WDR1: variants seen among roughly 807,000 people sequenced by gnomAD.
WDR1 encodes WD repeat domain 1.
In WDR1, 21 loss-of-function variants were observed where a neutral mutation model predicts 71.9. That is an observed-to-expected ratio of 0.29 (90% confidence interval 0.21 to 0.42). The LOEUF is 0.42. Among genes scored for constraint, WDR1 ranks in the 10% least tolerant of loss-of-function variants. The pLI, the probability that WDR1 is intolerant of heterozygous loss-of-function variation, is 1.00. For missense variants in WDR1, 696 were observed against 824.5 expected (o/e 0.84, Z 1.91); for synonymous variants, 424 against 347.4 (o/e 1.22, Z -2.45).
At chr4:10,090,957 G>A (rs1711938264) in intron 5 of WDR1, among the ~76,000 whole-genome samples, 2 of 152,272 alleles carry the variant, frequency 1.3e-5, no homozygotes, top group African/African-American at 4.8e-5. Context: ...AGAGGACAGG[G>A]ATGGAAGCAC....
At chr4:10,075,546 G>T in intron 14 of WDR1, 62 bp from the exon 15 acceptor site, 1 of 1,476,826 alleles carries the variant, frequency 6.8e-7, no homozygotes, top group South Asian at 1.2e-5. Context: ...GTACATCTTG[G>T]ACTAGGAAGA....
intron 2 of WDR1, 93 bp downstream of exon 2, chr4:10,116,020 A>G: frequency 6.7e-7 from 1 of 1,499,496 alleles, no homozygotes; most frequent in Non-Finnish European, 9.0e-7. Context: ...CCCCGGGCCA[A>G]TGGGCAGGAG....
chr4:10,095,741 A>C (rs566743164), intron 5 of WDR1, among the ~76,000 whole-genome samples: 9 of 151,928 alleles, frequency 5.9e-5, no homozygotes, highest in South Asian at 2.1e-4. Flanking sequence ...TGCCTCTCAC[A>C]CCCTCCCTGT....
chr4:10,114,725 G>C (rs1478247846), intron 2 of WDR1, among the ~76,000 whole-genome samples: 1 of 152,206 alleles, frequency 6.6e-6, no homozygotes, highest in Non-Finnish European at 1.5e-5. Flanking sequence ...TAGATCCCTG[G>C]TGATTTTCTC....
intron 14 of WDR1, chr4:10,075,886 G>A: frequency 4.9e-6 from 1 of 202,504 alleles, no homozygotes; most frequent in South Asian, 9.5e-5. Flanking sequence ...AATGGGGCAG[G>A]CATGACAACC....
At chr4:10,102,618 G>T (rs1712743775) in intron 3 of WDR1, among the ~76,000 whole-genome samples, 1 of 152,176 alleles carries the variant, frequency 6.6e-6, no homozygotes, top group African/African-American at 2.4e-5. Context: ...CAATACATTT[G>T]TGTTAGTCGT....
chr4:10,085,753 T>C (rs1333640089), intron 8 of WDR1, among the ~76,000 whole-genome samples: 1 of 152,224 alleles, frequency 6.6e-6, no homozygotes, highest in Non-Finnish European at 1.5e-5. Context: ...CAGCCAGCGC[T>C]TTTTAGAGCT....
intron 7 of WDR1, 69 bp from the exon 8 acceptor site, chr4:10,088,009 C>T (rs1030240860): frequency 3.7e-5 from 52 of 1,410,570 alleles, no homozygotes; most frequent in Middle Eastern, 1.9e-4. Flanking sequence ...CAAAAAGCAG[C>T]TTGTCCACTG....
chr4:10,098,003 G>C (rs914438064), intron 4 of WDR1, 112 bp from the exon 5 acceptor site: 12 of 1,140,724 alleles, frequency 1.1e-5, no homozygotes, highest in Non-Finnish European at 1.4e-5. Context: ...TGGAGTGACT[G>C]TCAGCAGGCA....
chr4:10,088,554 T>A, intron 6 of WDR1, 110 bp downstream of exon 6: 1 of 1,151,318 alleles, frequency 8.7e-7, no homozygotes, highest in East Asian at 2.6e-5. Context: ...GGGAGGGCGA[T>A]GTCTAAGTTC....
intron 14 of WDR1, 102 bp from the exon 15 acceptor site, chr4:10,075,586 G>A (rs1764769637): frequency 9.0e-6 from 10 of 1,111,244 alleles, no homozygotes; most frequent in South Asian, 7.0e-5. Flanking sequence ...ATCATCTCCA[G>A]GGCCAAGAAA....
At chr4:10,108,758 C>A (rs1315042647) in intron 2 of WDR1, among the ~76,000 whole-genome samples, 2 of 152,230 alleles carry the variant, frequency 1.3e-5, no homozygotes, top group Non-Finnish European at 2.9e-5. Flanking sequence ...AACGCCTTCT[C>A]CTAATTATCT....
intron 2 of WDR1, among the ~76,000 whole-genome samples, chr4:10,114,393 C>G (rs1713578883): frequency 1.3e-5 from 2 of 152,198 alleles, no homozygotes; most frequent in South Asian, 4.1e-4. Flanking sequence ...ACTGGCCTGC[C>G]TCACCTTGCT....
At chr4:10,092,833 C>T (rs1208790768) in intron 5 of WDR1, 1 of 366,612 alleles carries the variant, frequency 2.7e-6, no homozygotes, top group Non-Finnish European at 5.5e-6. Context: ...AGGCTGCCCT[C>T]ACCGGCCCCC....
intron 2 of WDR1, among the ~76,000 whole-genome samples, chr4:10,106,150 T>C (rs973173288): frequency 6.6e-6 from 1 of 152,066 alleles, no homozygotes; most frequent in Non-Finnish European, 1.5e-5. Context: ...GTGACAGGAA[T>C]GTTCTGTCAT....
chr4:10,106,257 C>T (rs1404569892), intron 2 of WDR1, among the ~76,000 whole-genome samples: 2 of 152,208 alleles, frequency 1.3e-5, no homozygotes, highest in African/African-American at 4.8e-5. Flanking sequence ...AAGTACACCT[C>T]AATAAAACTA....
intron 5 of WDR1, chr4:10,096,505 GC>G (rs1360338322): frequency 1.3e-5 from 2 of 152,244 alleles, no homozygotes; most frequent in African/African-American, 4.8e-5. Context: ...GCTTTCACCT[GC>G]CCAGCCAGGC....
At chr4:10,077,555 A>G in intron 13 of WDR1, 107 bp from the exon 14 acceptor site, 1 of 1,551,524 alleles carries the variant, frequency 6.4e-7, no homozygotes, top group Non-Finnish European at 8.8e-7. Context: ...GAGGTTTCTC[A>G]CGCGCTAACT....
At position 10,074,641 on chromosome 4, in the gene WDR1, G is replaced by A. The variant is rs1404209302; in HGVS notation, c.*737C>T. The A allele has an allele frequency of 1.3e-5, 2 of 152,588 alleles. No individual in the cohort carries two copies. Among genetic ancestry groups the A allele is most frequent in the African/African-American group, 2.4e-5 (1 of 41,440 alleles). The allele number at this position is 152,588 out of a possible 1,614,324, so 9.5% of individuals were successfully genotyped here. A position where few individuals can be genotyped will look rare whatever the true frequency, so the allele number is the denominator to read the frequency against. ...GAACATCAAAGCATGATGGTGAAAC[G>A]GTGACCAGGACACCTCGGTCTGGCT... On this transcript the variant is annotated 3_prime_UTR_variant, in exon 15 of 15. Transcript: ENST00000499869.
Sources: allele counts gnomAD v4.1 joint callset (sites outside exome capture counted in the v4.1 genomes callset), GRCh38; gene constraint gnomAD v4.1.1; transcripts MANE v1.5; gene names NCBI Gene and HGNC (gene_info 2026-07-23, HGNC 2026-07-21).